Variants in NSD2 observed in about 807,000 individuals in gnomAD.
NSD2 encodes histone-lysine N-methyltransferase NSD2.
Under a neutral mutation model 139.0 loss-of-function variants are expected in NSD2, and 12 were observed. That is an observed-to-expected ratio of 0.09 (90% CI 0.06 to 0.14). The LOEUF is 0.14. Among genes scored for constraint, NSD2 ranks in the 10% least tolerant of loss-of-function variants. The pLI, the probability that NSD2 is intolerant of heterozygous loss-of-function variation, is 1.00. For synonymous variants in NSD2, 669 were observed against 648.7 expected (o/e 1.03, Z -0.48); for missense variants, 1,155 against 1,745.0 (o/e 0.66, Z 6.02).
chr4:1,943,005 G>A (rs1723255948), intron 9 of NSD2: 1 of 1,051,018 alleles, frequency 9.5e-7, no homozygotes, highest in Non-Finnish European at 1.1e-6. Flanking sequence ...GTATTATTGT[G>A]AACCATTTAA....
intron 20 of NSD2, among the ~76,000 whole-genome samples, chr4:1,975,827 C>T (rs780756902): frequency 7.9e-5 from 12 of 152,188 alleles, no homozygotes; most frequent in Non-Finnish European, 1.5e-4. Flanking sequence ...AGCACTGGTC[C>T]TGTTGACTTA....
intron 1 of NSD2, among the ~76,000 whole-genome samples, chr4:1,887,079 A>G (rs1435908752): frequency 2.0e-5 from 3 of 152,102 alleles, no homozygotes; most frequent in Admixed American, 6.6e-5. Flanking sequence ...TAAGTGGGAC[A>G]TGGTTTGCCA....
Position 1,918,192 on chromosome 4 carries a change from G to T in NSD2, c.979G>T (p.Val327Phe), listed in dbSNP as rs1380872489. The change falls in exon 5 of 22, where the codon GTT (valine) becomes TTT (phenylalanine). Residue 327 changes from valine to phenylalanine, a missense_variant. Physicochemically the swap from Val to Phe is conservative, Grantham distance 50. Around this residue, in one of 8 missense-constraint regions of NSD2, gnomAD observed 420 missense variants for 469.0 expected, o/e 0.90. Coordinates refer to ENST00000508803, the MANE Select transcript of NSD2 (RefSeq NM_001042424.3). ...GAGGGCCCAGTGGGAAATGGGCATT[G>T]TTCAAGCAGAAGAAGCTGCAAGCAT... The part of the protein sequence containing the change: ...KLRAQWEMGI[V>F]QAEEAASMSV... 3.1e-6 allele frequency: 5 copies of T among 1,613,100 alleles called. No homozygotes were observed. The highest frequency in any genetic ancestry group is 2.2e-5 in the East Asian group (1 of 44,836).
At chr4:1,918,861 G>A in intron 5 of NSD2, 1 of 482,918 alleles carries the variant, frequency 2.1e-6, no homozygotes, top group South Asian at 2.9e-5. Context: ...AAGATACCGA[G>A]AACAGGCCAG....
rs750322460 is a variant in NSD2, at chr4:1,953,987, AT to A, written c.2338+476del. ...CACCACACCTGGCTGATTTTTGTAA[AT>A]TTTTTTTTTTTTGGAGAAAAAAAAT... is the stretch of plus-strand genomic sequence containing the variant. On this transcript the variant is annotated intron_variant, in intron 12 of 21. Coordinates refer to ENST00000508803, the MANE Select transcript of NSD2 (RefSeq NM_001042424.3). Among the ~76,000 whole-genome samples, 776 of 133,000 alleles carry A rather than the reference AT, an allele frequency of 5.8e-3. 6 individuals are homozygous for A. The highest frequency in any genetic ancestry group is 0.017 in the African/African-American group (605 of 35,728). 87.3% of individuals were successfully genotyped at this position (133,000 alleles called of 152,430 possible).
rs73069117 is a variant in NSD2, at chr4:1,974,985, C to T, written c.3495C>T (p.Ala1165=). The change falls in exon 19 of 22, where the codon GCC becomes GCT. Residue 1165 remains alanine, a synonymous_variant. Coordinates refer to ENST00000508803, the MANE Select transcript of NSD2 (RefSeq NM_001042424.3). The surrounding 1 kb of genome is among the most constrained non-coding windows in gnomAD (Gnocchi z 4.0). The part of the protein sequence containing the change: ...VNGDTRVGLF[A]VCDIPAGTEL... Reference sequence around the variant, plus strand: ...GGGACACTCGTGTGGGCCTGTTTGCCGTCTGTGACATTCCTGCAGGTACAA... The same window carrying T: ...GGGACACTCGTGTGGGCCTGTTTGCTGTCTGTGACATTCCTGCAGGTACAA... 8,685 of 1,614,068 alleles carry T rather than the reference C, an allele frequency of 5.4e-3. 377 individuals are homozygous for T. The African/African-American group carries it at 0.098, about 18-fold the overall frequency.
At chr4:1,928,837 G>A (rs1721278813) in intron 5 of NSD2, among the ~76,000 whole-genome samples, 1 of 152,178 alleles carries the variant, frequency 6.6e-6, no homozygotes, top group Non-Finnish European at 1.5e-5. Context: ...GCCCTGTGCA[G>A]AAACTTCCAC....
At chr4:1,965,051 C>CAA (rs555374240) in intron 18 of NSD2, among the ~76,000 whole-genome samples, 1,877 of 47,140 alleles carry the variant, frequency 0.04, 334 homozygotes, top group Non-Finnish European at 0.054. Flanking sequence ...CAGTGTTCAG[C>CAA]AAAAAAAAAA....
At chr4:1,962,184 G>A (rs1022666609) in intron 18 of NSD2, among the ~76,000 whole-genome samples, 2 of 152,236 alleles carry the variant, frequency 1.3e-5, no homozygotes, top group Non-Finnish European at 2.9e-5. Context: ...AGTGGAGCCT[G>A]CTCCGGGGGA....
At chr4:1,941,982 G>C in intron 9 of NSD2, 6 of 1,090,538 alleles carry the variant, frequency 5.5e-6, no homozygotes, top group Non-Finnish European at 6.7e-6. Flanking sequence ...ATTGCTGTTT[G>C]AGGTCCACAC....
intron 1 of NSD2, among the ~76,000 whole-genome samples, chr4:1,875,618 A>G (rs1714193557): frequency 6.6e-6 from 1 of 152,012 alleles, no homozygotes; most frequent in South Asian, 2.1e-4. Flanking sequence ...ATCCAGACAG[A>G]TTGGCCGGGT....
intron 9 of NSD2, chr4:1,947,175 C>T (rs1226931428): frequency 9.4e-7 from 1 of 1,064,600 alleles, no homozygotes; most frequent in Non-Finnish European, 1.1e-6. Flanking sequence ...CTCCCCAGCA[C>T]ACTCCCTGTG....
Position 1,959,638 on chromosome 4 carries a change from C to T in NSD2, c.3153C>T (p.Phe1051=). The part of the protein sequence containing the change: ...CHPQVCPAGE[F]CQNQCFTKRQ... ...CGCAGGTGTGTCCCGCGGGCGAGTT[C>T]TGCCAGAACCAGTGCTTCACCAAGC... The change falls in exon 17 of 22, where the codon TTC becomes TTT. Residue 1051 remains phenylalanine (F), a synonymous_variant. Coordinates refer to ENST00000508803, the MANE Select transcript of NSD2 (RefSeq NM_001042424.3). 1 of 1,614,122 alleles carries T rather than the reference C, an allele frequency of 6.2e-7. No homozygotes were observed. Among genetic ancestry groups the T allele is most frequent in the Admixed American group, 1.7e-5 (1 of 60,028 alleles).
chr4:1,900,095 CAG>C (rs1360544041), intron 1 of NSD2, among the ~76,000 whole-genome samples: 2 of 152,152 alleles, frequency 1.3e-5, no homozygotes, highest in East Asian at 3.8e-4. Context: ...CTTTGCTGAC[CAG>C]GTCATCTTGG....
intron 1 of NSD2, among the ~76,000 whole-genome samples, chr4:1,883,117 A>C (rs1714824515): frequency 6.6e-6 from 1 of 152,170 alleles, no homozygotes; most frequent in Non-Finnish European, 1.5e-5. Flanking sequence ...TTCTGGTGCC[A>C]GTGATAGCCC....
intron 5 of NSD2, among the ~76,000 whole-genome samples, chr4:1,925,154 C>G (rs1000677939): frequency 4.6e-5 from 7 of 152,214 alleles, no homozygotes; most frequent in Non-Finnish European, 8.8e-5. Flanking sequence ...CTGCTTCCAT[C>G]TGTAACCTAG....
At chr4:1,926,150 ATT>A (rs35448464) in intron 5 of NSD2, among the ~76,000 whole-genome samples, 69 of 121,476 alleles carry the variant, frequency 5.7e-4, no homozygotes, top group African/African-American at 1.1e-3. Flanking sequence ...TTGGGCCTGA[ATT>A]TTTTTTTTTT....
chr4:1,946,820 G>C (rs1289054535), intron 9 of NSD2: 1 of 1,055,628 alleles, frequency 9.5e-7, no homozygotes. Flanking sequence ...CTTACAGCAG[G>C]GTGTCTCTCC....
At chr4:1,927,168 G>A (rs942416949) in intron 5 of NSD2, among the ~76,000 whole-genome samples, 4 of 152,208 alleles carry the variant, frequency 2.6e-5, no homozygotes, top group African/African-American at 9.7e-5. Context: ...GGCTGCTGGT[G>A]TGTCCTCACA....
Sources: allele counts gnomAD v4.1 joint callset (sites outside exome capture counted in the v4.1 genomes callset), GRCh38; gene constraint gnomAD v4.1.1; regional missense constraint gnomAD v4.1.1; non-coding constraint Gnocchi (gnomAD v3.1); transcripts MANE v1.5; gene names NCBI Gene and HGNC (gene_info 2026-07-23, HGNC 2026-07-21).